Variants in SLC35F1 observed in about 807,000 individuals in gnomAD.
SLC35F1 encodes the protein chromosome 6 open reading frame 169.
SLC35F1 carries 14 observed loss-of-function variants against 48.7 expected under a neutral mutation model. The ratio of observed to expected loss-of-function variants is 0.29; its 90% CI spans 0.19 to 0.45. The LOEUF (loss-of-function observed/expected upper bound fraction) is 0.45, where lower values mean the gene tolerates loss of function less well. Ranked by LOEUF, SLC35F1 falls within the 20% of genes least tolerant of loss-of-function variation. SLC35F1 has a pLI of 1.00. For synonymous variants in SLC35F1, 190 were observed against 202.2 expected (o/e 0.94, Z 0.51); for missense variants, 404 against 500.0 (o/e 0.81, Z 1.83).
chr6:118,129,298 G>A (rs762349982), intron 1 of SLC35F1, among the ~76,000 whole-genome samples: 2 of 152,132 alleles, frequency 1.3e-5, no homozygotes, highest in African/African-American at 2.4e-5. Flanking sequence ...AGAGAATGGG[G>A]TGAGTGAGCA....
At chr6:118,230,603 A>T (rs956078761) in intron 2 of SLC35F1, among the ~76,000 whole-genome samples, 2 of 152,238 alleles carry the variant, frequency 1.3e-5, no homozygotes, top group Non-Finnish European at 2.9e-5. Context: ...ATTTAAAAAC[A>T]CATGAAAGAA....
At chr6:118,123,691 C>T (rs796468753) in intron 1 of SLC35F1, among the ~76,000 whole-genome samples, 11 of 152,224 alleles carry the variant, frequency 7.2e-5, no homozygotes, top group African/African-American at 2.6e-4. Context: ...CCCTGTAGCC[C>T]ACAATGAGCT....
chr6:118,158,032 T>C (rs1424294245), intron 2 of SLC35F1, among the ~76,000 whole-genome samples: 2 of 152,130 alleles, frequency 1.3e-5, no homozygotes, highest in Non-Finnish European at 2.9e-5. Context: ...TTGGAGGCTC[T>C]TTAGAAAGGA....
intron 1 of SLC35F1, among the ~76,000 whole-genome samples, chr6:118,032,966 C>T (rs896501254): frequency 2.0e-5 from 3 of 152,128 alleles, no homozygotes; most frequent in African/African-American, 4.8e-5. Context: ...GGAACTGAAG[C>T]GTGCAGGTGA....
At chr6:118,090,835 T>TG (rs955480203) in intron 1 of SLC35F1, among the ~76,000 whole-genome samples, 3 of 151,950 alleles carry the variant, frequency 2.0e-5, no homozygotes, top group Admixed American at 6.6e-5. Flanking sequence ...GAATGGACAA[T>TG]GGGGGGGCAT....
chr6:118,078,360 G>C (rs576747302), intron 1 of SLC35F1, among the ~76,000 whole-genome samples: 162 of 152,076 alleles, frequency 1.1e-3, no homozygotes, highest in Non-Finnish European at 1.9e-3. Flanking sequence ...AAATTTACCT[G>C]TTCTGTTTTG....
chr6:118,111,116 C>A (rs1582671276), intron 1 of SLC35F1, among the ~76,000 whole-genome samples: 1 of 152,150 alleles, frequency 6.6e-6, no homozygotes, highest in East Asian at 1.9e-4. Context: ...AAAGGTATAT[C>A]ATACATGTAT....
At chr6:118,190,904 C>T (rs1055900997) in intron 2 of SLC35F1, among the ~76,000 whole-genome samples, 1 of 152,134 alleles carries the variant, frequency 6.6e-6, no homozygotes, top group South Asian at 2.1e-4. Context: ...AGTGCCAGTA[C>T]CTGCACAGAT....
At chr6:118,177,762 G>A (rs1344083457) in intron 2 of SLC35F1, among the ~76,000 whole-genome samples, 1 of 150,334 alleles carries the variant, frequency 6.7e-6, no homozygotes, top group Non-Finnish European at 1.5e-5. Flanking sequence ...CATCGTTTTT[G>A]TTTTTTTTTA....
chr6:118,049,317 G>A (rs1165841902), intron 1 of SLC35F1, among the ~76,000 whole-genome samples: 1 of 152,152 alleles, frequency 6.6e-6, no homozygotes, highest in Admixed American at 6.5e-5. Context: ...AGGACTTCAT[G>A]GCTAAAACAC....
At chr6:118,282,365 T>C (rs1362661418) in intron 6 of SLC35F1, among the ~76,000 whole-genome samples, 1 of 152,200 alleles carries the variant, frequency 6.6e-6, no homozygotes, top group Non-Finnish European at 1.5e-5. Flanking sequence ...GTTGACCTAG[T>C]TGTCAATTGT....
intron 2 of SLC35F1, among the ~76,000 whole-genome samples, chr6:118,202,616 C>T (rs1223913369): frequency 6.6e-6 from 1 of 152,236 alleles, no homozygotes; most frequent in Non-Finnish European, 1.5e-5. Flanking sequence ...TGAGTGCTAA[C>T]AATGTGCCAC....
intron 1 of SLC35F1, among the ~76,000 whole-genome samples, chr6:117,966,138 C>CA (rs200263827): frequency 7.0e-6 from 1 of 142,592 alleles, no homozygotes; most frequent in Non-Finnish European, 1.6e-5. Flanking sequence ...ACCGCCCCCC[C>CA]CCCCACTCCC....
rs531615668 is a variant in SLC35F1, at chr6:118,076,786, C to A, written c.174-77659C>A. ...TGTCTTTACGATATACTGAATGATT[C>A]CATACAATTATATATCTAGCCTTTT... On this transcript the variant is annotated intron_variant, in intron 1 of 7. Coordinates refer to ENST00000360388, the MANE Select transcript of SLC35F1 (RefSeq NM_001029858.4). Among the ~76,000 whole-genome samples, 2 of 152,298 alleles carry A rather than the reference C, an allele frequency of 1.3e-5. 1 individual carries two copies. Among genetic ancestry groups the A allele is most frequent in the African/African-American group, 4.8e-5 (2 of 41,562 alleles).
intron 2 of SLC35F1, 111 bp downstream of exon 2, chr6:118,154,731 C>A: frequency 9.8e-7 from 1 of 1,017,830 alleles, no homozygotes; most frequent in Non-Finnish European, 1.4e-6. Context: ...TCATTGAAAA[C>A]CCCAGATCTT....
At chr6:117,948,572 A>G (rs1043668704) in intron 1 of SLC35F1, among the ~76,000 whole-genome samples, 6 of 152,158 alleles carry the variant, frequency 3.9e-5, no homozygotes, top group African/African-American at 1.2e-4. Context: ...AATCTATCAC[A>G]TATCAAGTTT....
intron 2 of SLC35F1, among the ~76,000 whole-genome samples, chr6:118,169,363 A>G (rs1044453306): frequency 6.6e-6 from 1 of 152,190 alleles, no homozygotes; most frequent in Non-Finnish European, 1.5e-5. Context: ...AATATCTCCC[A>G]TATATCTATG....
At chr6:118,107,724 A>G (rs1367463107) in intron 1 of SLC35F1, among the ~76,000 whole-genome samples, 1 of 152,036 alleles carries the variant, frequency 6.6e-6, no homozygotes, top group Admixed American at 6.6e-5. Context: ...ACATATGGGC[A>G]ACGGGTATGT....
At chr6:117,952,696 C>T (rs950566091) in intron 1 of SLC35F1, among the ~76,000 whole-genome samples, 1 of 152,054 alleles carries the variant, frequency 6.6e-6, no homozygotes, top group African/African-American at 2.4e-5. Flanking sequence ...AGAAACACCC[C>T]AAAAGACAAA....
Sources: gnomAD v4.1 joint callset for allele counts (sites outside exome capture counted in the v4.1 genomes callset) on GRCh38, gnomAD v4.1.1 for gene constraint, MANE v1.5 for transcripts, NCBI Gene and HGNC (gene_info 2026-07-23, HGNC 2026-07-21) for gene names.